DPP10: variants seen among roughly 807,000 people sequenced by gnomAD.
DPP10 encodes the protein inactive dipeptidyl peptidase 10.
Under a neutral mutation model 120.9 loss-of-function variants are expected in DPP10, and 33 were observed. That is an observed-to-expected ratio of 0.27 (90% confidence interval 0.21 to 0.37). The LOEUF (loss-of-function observed/expected upper bound fraction) is 0.37. Ranked by LOEUF, DPP10 falls within the 10% of genes least tolerant of loss-of-function variation. DPP10 has a pLI of 1.00. For synonymous variants in DPP10, 337 were observed against 326.1 expected (o/e 1.03, Z -0.36); for missense variants, 816 against 942.8 (o/e 0.87, Z 1.76).
intron 1 of DPP10, among the ~76,000 whole-genome samples, chr2:114,452,361 C>T (rs1678332863): frequency 1.3e-5 from 2 of 152,004 alleles, no homozygotes; most frequent in African/African-American, 4.8e-5. Context: ...TCCAAGTGGT[C>T]GGGGGTGATC....
chr2:115,495,883 T>G (rs1362324189), intron 3 of DPP10, among the ~76,000 whole-genome samples: 1 of 152,154 alleles, frequency 6.6e-6, no homozygotes, highest in Non-Finnish European at 1.5e-5. Flanking sequence ...TTAATCAAAG[T>G]ACCTTGTAGA....
At chr2:115,048,287 C>T (rs1447507927) in intron 1 of DPP10, among the ~76,000 whole-genome samples, 3 of 151,896 alleles carry the variant, frequency 2.0e-5, no homozygotes, top group South Asian at 4.2e-4. Flanking sequence ...AGTATTTTCC[C>T]CAATCTAATA....
intron 3 of DPP10, among the ~76,000 whole-genome samples, chr2:115,496,997 T>C (rs1443688684): frequency 6.6e-6 from 1 of 152,024 alleles, no homozygotes; most frequent in Non-Finnish European, 1.5e-5. Flanking sequence ...GTCACAGGAC[T>C]GGTTGAGTCA....
At chr2:115,003,577 T>C (rs1306357864) in intron 1 of DPP10, among the ~76,000 whole-genome samples, 1 of 152,144 alleles carries the variant, frequency 6.6e-6, no homozygotes. Flanking sequence ...GTGAAGTCTT[T>C]AGTTTATAAG....
At chr2:115,469,743 A>G (rs1173360264) in intron 3 of DPP10, among the ~76,000 whole-genome samples, 1 of 152,102 alleles carries the variant, frequency 6.6e-6, no homozygotes, top group Non-Finnish European at 1.5e-5. Context: ...TACTAAAAAT[A>G]CAAAAGTAGC....
At chr2:115,075,048 C>A (rs1256142005) in intron 1 of DPP10, among the ~76,000 whole-genome samples, 1 of 152,142 alleles carries the variant, frequency 6.6e-6, no homozygotes, top group Non-Finnish European at 1.5e-5. Context: ...GAGTGAGAAG[C>A]AGTTATACGT....
At chr2:114,596,666 A>G (rs2105197972) in intron 1 of DPP10, among the ~76,000 whole-genome samples, 1 of 152,164 alleles carries the variant, frequency 6.6e-6, no homozygotes, top group Non-Finnish European at 1.5e-5. Context: ...GTAAATCATC[A>G]CATCTCTTTC....
At chr2:115,266,269 A>G (rs2059458260) in intron 1 of DPP10, among the ~76,000 whole-genome samples, 2 of 152,170 alleles carry the variant, frequency 1.3e-5, no homozygotes, top group Admixed American at 1.3e-4. Context: ...TTTATCTTTC[A>G]TGCAATGGAG....
intron 1 of DPP10, among the ~76,000 whole-genome samples, chr2:114,830,302 C>T (rs144879614): frequency 7.7e-4 from 117 of 152,266 alleles, no homozygotes; most frequent in African/African-American, 2.6e-3. Context: ...GAGATTCAGT[C>T]AACCTGCTTT....
chr2:115,034,738 C>G (rs985068790), intron 1 of DPP10, among the ~76,000 whole-genome samples: 3 of 152,162 alleles, frequency 2.0e-5, no homozygotes, highest in Non-Finnish European at 2.9e-5. Flanking sequence ...TCTCACTCTT[C>G]CTCACTTACT....
intron 1 of DPP10, among the ~76,000 whole-genome samples, chr2:114,944,080 A>T (rs1010796148): frequency 1.3e-5 from 2 of 152,170 alleles, no homozygotes; most frequent in Admixed American, 6.5e-5. Context: ...TTAAAAGTTC[A>T]ATTTCTTTAT....
At chr2:115,627,913 A>G (rs1024209401) in intron 5 of DPP10, among the ~76,000 whole-genome samples, 6 of 152,146 alleles carry the variant, frequency 3.9e-5, no homozygotes, top group Non-Finnish European at 7.3e-5. Context: ...TATCCAGTCT[A>G]TTATTGATGG....
At chr2:115,277,812 A>AT (rs1329660301) in intron 1 of DPP10, among the ~76,000 whole-genome samples, 3 of 152,158 alleles carry the variant, frequency 2.0e-5, no homozygotes, top group Non-Finnish European at 2.9e-5. Flanking sequence ...GTTTGTGATC[A>AT]TTTTGAAACA....
chr2:114,942,371 A>G (rs1364937090), intron 1 of DPP10, among the ~76,000 whole-genome samples: 2 of 61,298 alleles, frequency 3.3e-5, no homozygotes, highest in Admixed American at 4.3e-4. Flanking sequence ...ACATATATAT[A>G]CACACACATA....
At chr2:114,465,540 G>A (rs112129681) in intron 1 of DPP10, among the ~76,000 whole-genome samples, 1 of 152,278 alleles carries the variant, frequency 6.6e-6, no homozygotes, top group African/African-American at 2.4e-5. Context: ...TCCCTGAACA[G>A]GTTAGGGTAG....
chr2:115,702,339 C>T (rs947131527), intron 7 of DPP10, among the ~76,000 whole-genome samples: 1 of 152,006 alleles, frequency 6.6e-6, no homozygotes, highest in Non-Finnish European at 1.5e-5. Context: ...TCCAGCAATT[C>T]CATTCCTAGG....
intron 1 of DPP10, among the ~76,000 whole-genome samples, chr2:114,684,816 C>T (rs781330578): frequency 2.0e-5 from 3 of 152,042 alleles, no homozygotes; most frequent in East Asian, 2.0e-4. Context: ...ACAGCACCTT[C>T]GATTCATGTG....
At chr2:115,190,475 A>C (rs2054797683) in intron 1 of DPP10, among the ~76,000 whole-genome samples, 1 of 152,154 alleles carries the variant, frequency 6.6e-6, no homozygotes, top group Non-Finnish European at 1.5e-5. Context: ...CACATCTGCT[A>C]GGGGATGAAC....
At chr2:114,909,205 G>A (rs1303936293) in intron 1 of DPP10, among the ~76,000 whole-genome samples, 1 of 151,870 alleles carries the variant, frequency 6.6e-6, no homozygotes, top group African/African-American at 2.4e-5. Context: ...AAATTCAGTT[G>A]ATTTCTCTGA....
Sources: gnomAD v4.1 joint callset for allele counts (sites outside exome capture counted in the v4.1 genomes callset) on GRCh38, gnomAD v4.1.1 for gene constraint, MANE v1.5 for transcripts, NCBI Gene and HGNC (gene_info 2026-07-23, HGNC 2026-07-21) for gene names.